Variants in PPP2R5D observed in about 807,000 individuals in gnomAD.
The protein encoded by PPP2R5D is serine/threonine-protein phosphatase 2A 56 kDa regulatory subunit delta isoform.
A neutral mutation model predicts 79.1 loss-of-function variants in PPP2R5D; 12 were observed. The observed-to-expected ratio is 0.15, with a 90% CI of 0.10 to 0.25. The LOEUF (loss-of-function observed/expected upper bound fraction) is 0.25, where lower values mean the gene tolerates loss of function less well. PPP2R5D is among the 10% of genes least tolerant of loss of function. The pLI is 1.00. For synonymous variants in PPP2R5D, 277 were observed against 286.6 expected (o/e 0.97, Z 0.34); for missense variants, 419 against 760.2 (o/e 0.55, Z 5.28).
chr6:42,986,267 C>T (rs1770837540), intron 1 of PPP2R5D, among the ~76,000 whole-genome samples: 1 of 152,188 alleles, frequency 6.6e-6, no homozygotes, highest in South Asian at 2.1e-4. Flanking sequence ...CAGCCTCCCC[C>T]AGCTTCTCCT....
chr6:42,997,271 C>T (rs1420086918), intron 2 of PPP2R5D, among the ~76,000 whole-genome samples: 1 of 152,046 alleles, frequency 6.6e-6, no homozygotes, highest in Non-Finnish European at 1.5e-5. Flanking sequence ...CAGCTCACTG[C>T]AACCTCCGCC....
Position 43,011,533 on chromosome 6 carries a change from CTG to C in PPP2R5D, c.*248_*249del. The C allele has an allele frequency of 1.9e-6, 1 of 540,508 alleles. No homozygotes were observed. The allele number at this position is 540,508 out of a possible 1,614,324, so 33.5% of individuals were successfully genotyped here. A position where few individuals can be genotyped will look rare whatever the true frequency, so the allele number is the denominator to read the frequency against. ...CTAAGATGCTTAGTGCTCAGACAAC[CTG>C]GGGATGCCTGTCCCCTACCTGCTCC... On this transcript the variant is annotated 3_prime_UTR_variant, in exon 16 of 16. Coordinates refer to ENST00000485511, the MANE Select transcript of PPP2R5D (RefSeq NM_006245.4).
chr6:43,008,172 TGTC>T lies in PPP2R5D; in HGVS notation c.858-28_858-26del. 1 of 1,612,764 alleles carries T rather than the reference TGTC, an allele frequency of 6.2e-7. No individual in the cohort carries two copies. Among genetic ancestry groups the T allele is most frequent in the African/African-American group, 1.3e-5 (1 of 74,294 alleles). On this transcript the variant is annotated intron_variant, in intron 7 of 15. Transcript: ENST00000485511. The surrounding 1 kb of genome is among the most constrained non-coding windows in gnomAD (Gnocchi z 4.2). ...AGAATGCTGGAGGGACATCAGGGGT[TGTC>T]AAGAGAGCCATTTTTCTTCCCTCAG...
chr6:42,989,751 A>C, intron 2 of PPP2R5D, 63 bp downstream of exon 2: 1 of 1,486,870 alleles, frequency 6.7e-7, no homozygotes, highest in Non-Finnish European at 9.3e-7. Flanking sequence ...CATGATGGCT[A>C]GTTGGGTAGG....
In PPP2R5D at chr6:43,011,666, C is replaced by T. The variant is rs1322353228; in HGVS notation, c.*380C>T. The T allele has an allele frequency of 4.1e-6, 1 of 241,888 alleles. No individual in the cohort carries two copies. Among genetic ancestry groups the T allele is most frequent in the Non-Finnish European group, 8.2e-6 (1 of 122,582 alleles). The allele number at this position is 241,888 out of a possible 1,614,324, so 15.0% of individuals were successfully genotyped here. Reference sequence around the variant, plus strand: ...TTGAACGCCAGGTATCTCCCCTCCTCTCTCTCCCCTGCAGAGGCATGTAGG... The same window carrying T: ...TTGAACGCCAGGTATCTCCCCTCCTTTCTCTCCCCTGCAGAGGCATGTAGG... On this transcript the variant is annotated 3_prime_UTR_variant, in exon 16 of 16. Transcript: ENST00000485511.
In PPP2R5D at chr6:43,008,680, C is replaced by G; in HGVS notation, c.1027-13C>G. On this transcript the variant is annotated splice_polypyrimidine_tract_variant and intron_variant, in intron 9 of 15. Coordinates refer to ENST00000485511, the MANE Select transcript of PPP2R5D (RefSeq NM_006245.4). This position sits in a 1 kb window ranked among gnomAD's most constrained non-coding sequence, Gnocchi z 4.2. ...CCTACACCTCACCTCCCTTCTACCT[C>G]ACACCTTTGCAGCTGGCATACTGTG... is the stretch of plus-strand genomic sequence containing the variant. 6.2e-7 allele frequency: 1 copy of G among 1,613,834 alleles called. No individual in the cohort carries two copies. Among genetic ancestry groups the G allele is most frequent in the Middle Eastern group, 1.6e-4 (1 of 6,062 alleles).
At position 43,007,056 on chromosome 6, in the gene PPP2R5D, C is replaced by A. The variant is rs1001235202; in HGVS notation, c.468C>A (p.Ile156=). 1 of 1,613,996 alleles carries A rather than the reference C, an allele frequency of 6.2e-7. No homozygotes were observed. Among genetic ancestry groups the A allele is most frequent in the African/African-American group, 1.3e-5 (1 of 74,890 alleles). Residue 156 remains isoleucine, a synonymous_variant, in exon 4 of 16, where the codon ATC becomes ATA. Coordinates refer to ENST00000485511, the MANE Select transcript of PPP2R5D (RefSeq NM_006245.4). The surrounding 1 kb of genome is among the most constrained non-coding windows in gnomAD (Gnocchi z 4.5). The stretch of plus-strand genomic sequence containing the variant: ...GACTCAACGAGATGGTGGAGTACAT[C>A]ACCCATAGCCGTGATGTTGTCACTG... ...RAGLNEMVEY[I]THSRDVVTEA... is the part of the protein sequence containing the mutation.
chr6:43,006,774 G>A lies in PPP2R5D; in HGVS notation c.322+95G>A, dbSNP rs1256172247. ...GTTTTGGGGTATTTTGCGGGGAAGGGAGTTCCAGAGAATGCGGGAAGGGGG... is the reference window on the plus strand; with the variant it reads ...GTTTTGGGGTATTTTGCGGGGAAGGAAGTTCCAGAGAATGCGGGAAGGGGG... On this transcript the variant is annotated intron_variant, in intron 3 of 15. Transcript: ENST00000485511. The surrounding 1 kb of genome is among the most constrained non-coding windows in gnomAD (Gnocchi z 4.7). The A allele has an allele frequency of 6.3e-7, 1 of 1,574,822 alleles. No individual in the cohort carries two copies. The highest frequency in any genetic ancestry group is 1.3e-5 in the African/African-American group (1 of 74,230).
At position 43,008,828 on chromosome 6, in the gene PPP2R5D, G is replaced by C; in HGVS notation, c.1080+82G>C. 18 of 1,494,806 alleles carry C rather than the reference G, an allele frequency of 1.2e-5. No individual in the cohort carries two copies. In the South Asian group the frequency reaches 2.0e-4, roughly 16 times the overall value. The allele number at this position is 1,494,806 out of a possible 1,614,324, so 92.6% of individuals were successfully genotyped here. A position where few individuals can be genotyped will look rare whatever the true frequency, so the allele number is the denominator to read the frequency against. ...TCTGTACCTACTGGGGGTGCCATAA[G>C]GGGGAACTCAGGAGGGCTGTGACCT... On this transcript the variant is annotated intron_variant, in intron 10 of 15. Transcript: ENST00000485511. The surrounding 1 kb of genome is among the most constrained non-coding windows in gnomAD (Gnocchi z 4.2).
Position 43,007,853 on chromosome 6 carries a change from C to T in PPP2R5D, c.727-82C>T. On this transcript the variant is annotated intron_variant, in intron 6 of 15. Coordinates refer to ENST00000485511, the MANE Select transcript of PPP2R5D (RefSeq NM_006245.4). The surrounding 1 kb of genome is among the most constrained non-coding windows in gnomAD (Gnocchi z 4.5). ...CACTCCAGGGGACCTCTGCATTTCC[C>T]CTGGCGGGACCTATGTCACCCTGGC... The T allele has an allele frequency of 3.8e-6, 6 of 1,566,008 alleles. No homozygotes were observed. The highest frequency in any genetic ancestry group is 5.3e-6 in the Non-Finnish European group (6 of 1,141,178).
rs938265858 is a variant in PPP2R5D, at chr6:43,007,824, C to T, written c.727-111C>T. 24 of 1,373,964 alleles carry T rather than the reference C, an allele frequency of 1.7e-5. 1 individual carries two copies. The highest frequency in any genetic ancestry group is 4.4e-5 in the African/African-American group (3 of 68,690). 85.1% of individuals were successfully genotyped at this position (1,373,964 alleles called of 1,614,324 possible). On this transcript the variant is annotated intron_variant, in intron 6 of 15. Transcript: ENST00000485511. The surrounding 1 kb of genome is among the most constrained non-coding windows in gnomAD (Gnocchi z 4.5). ...ATCACTGCTTTCTAAGACTTGCTGG[C>T]CCCCACTCCAGGGGACCTCTGCATT...
In PPP2R5D at chr6:43,006,635, A is replaced by T. The variant is rs1160346330; in HGVS notation, c.278A>T (p.Asn93Ile). 1 of 1,614,150 alleles carries T rather than the reference A, an allele frequency of 6.2e-7. No individual in the cohort carries two copies. Reference protein sequence around the residue: ...KERRQSSSRFNLSKNRELQKL... With the variant: ...KERRQSSSRFILSKNRELQKL... ...CGACGGCAAAGCTCCTCCCGCTTCAACCTCAGCAAGAATCGGGAGCTGCAG... is the reference window on the plus strand; with the variant it reads ...CGACGGCAAAGCTCCTCCCGCTTCATCCTCAGCAAGAATCGGGAGCTGCAG... The change falls in exon 3 of 16, where the codon AAC becomes ATC. Residue 93 changes from asparagine (N) to isoleucine (I), a missense_variant. Coordinates refer to ENST00000485511, the MANE Select transcript of PPP2R5D (RefSeq NM_006245.4). The surrounding 1 kb of genome is among the most constrained non-coding windows in gnomAD (Gnocchi z 4.7).
rs774237781 is a variant in PPP2R5D, at chr6:43,007,592, T to C, written c.726+86T>C. On this transcript the variant is annotated intron_variant, in intron 6 of 15. Coordinates refer to ENST00000485511, the MANE Select transcript of PPP2R5D (RefSeq NM_006245.4). This position sits in a 1 kb window ranked among gnomAD's most constrained non-coding sequence, Gnocchi z 4.5. The stretch of plus-strand genomic sequence containing the variant: ...TCCCAGTGGCTCTTTCCCCTTAAGC[T>C]GAATATATTGGGTTTCATCCATGTC... 13 of 1,284,626 alleles carry C rather than the reference T, an allele frequency of 1.0e-5. 1 individual carries two copies. The highest frequency in any genetic ancestry group is 1.5e-5 in the Non-Finnish European group (13 of 886,780). The allele number at this position is 1,284,626 out of a possible 1,614,324, so 79.6% of individuals were successfully genotyped here. A position where few individuals can be genotyped will look rare whatever the true frequency, so the allele number is the denominator to read the frequency against.
intron 2 of PPP2R5D, among the ~76,000 whole-genome samples, chr6:42,997,931 C>T (rs979223954): frequency 3.4e-5 from 5 of 147,068 alleles, no homozygotes; most frequent in Admixed American, 2.8e-4. Context: ...GCTGCCTTGG[C>T]CTCCCAAAGT....
At position 43,007,647 on chromosome 6, in the gene PPP2R5D, A is replaced by G; in HGVS notation, c.726+141A>G. The stretch of plus-strand genomic sequence containing the variant: ...ACGAGGAGGCTATAAAGGGTAAAAA[A>G]CAAAACAAAACAAAACCCTACTCTG... On this transcript the variant is annotated intron_variant, in intron 6 of 15. Transcript: ENST00000485511. This position sits in a 1 kb window ranked among gnomAD's most constrained non-coding sequence, Gnocchi z 4.5. 1.1e-6 allele frequency: 1 copy of G among 888,814 alleles called. No homozygotes were observed. The highest frequency in any genetic ancestry group is 1.7e-6 in the Non-Finnish European group (1 of 580,618). 55.1% of individuals were successfully genotyped at this position (888,814 alleles called of 1,614,324 possible).
chr6:42,999,812 C>T (rs544539082), intron 2 of PPP2R5D, among the ~76,000 whole-genome samples: 54 of 151,922 alleles, frequency 3.6e-4, no homozygotes, highest in African/African-American at 1.0e-3. Flanking sequence ...CTGCCCGCCT[C>T]GGCCTCCCAA....
Position 43,009,251 on chromosome 6 carries a change from C to T in PPP2R5D, c.1251+24C>T, listed in dbSNP as rs1244948437. 1.2e-6 allele frequency: 2 copies of T among 1,614,064 alleles called. No individual in the cohort carries two copies. The highest frequency in any genetic ancestry group is 1.1e-5 in the South Asian group (1 of 91,088). ...AGGTGAGACTCCAACCTAGCATATC[C>T]TAGCCCCTGCCAGAAACTGAGGTCT... On this transcript the variant is annotated intron_variant, in intron 11 of 15. Coordinates refer to ENST00000485511, the MANE Select transcript of PPP2R5D (RefSeq NM_006245.4). The surrounding 1 kb of genome is among the most constrained non-coding windows in gnomAD (Gnocchi z 5.6).
intron 2 of PPP2R5D, among the ~76,000 whole-genome samples, chr6:42,994,206 C>G (rs963397528): frequency 3.3e-5 from 5 of 152,132 alleles, no homozygotes; most frequent in African/African-American, 1.2e-4. Flanking sequence ...AGGAGAATTG[C>G]TTGAACCTGG....
chr6:42,986,099 C>G (rs1159383416), intron 1 of PPP2R5D, among the ~76,000 whole-genome samples: 3 of 152,228 alleles, frequency 2.0e-5, no homozygotes, highest in Non-Finnish European at 4.4e-5. Context: ...CTTAATGTTG[C>G]CTTCTTTCAC....
Sources: gnomAD v4.1 joint callset for allele counts (sites outside exome capture counted in the v4.1 genomes callset) on GRCh38, gnomAD v4.1.1 for gene constraint, Gnocchi (gnomAD v3.1) non-coding constraint, MANE v1.5 for transcripts, NCBI Gene and HGNC (gene_info 2026-07-23, HGNC 2026-07-21) for gene names.